Variants in NEFH observed in about 807,000 individuals in gnomAD.
NEFH encodes neurofilament heavy polypeptide.
In NEFH, 58 loss-of-function variants were observed where a neutral mutation model predicts 56.6. That is an observed-to-expected ratio of 1.03 (90% CI 0.83 to 1.28). NEFH has a LOEUF of 1.28. Among genes scored for constraint, NEFH ranks in the 50% most tolerant of loss-of-function variants. The pLI is 0.00. For synonymous variants in NEFH, 542 were observed against 545.8 expected, an observed-to-expected ratio of 0.99 and a Z score of 0.10; for missense variants, 1,221 against 1,307.6, an observed-to-expected ratio of 0.93 and a Z score of 1.02.
At position 29,485,767 on chromosome 22, in the gene NEFH, G is replaced by A; in HGVS notation, c.1128G>A (p.Trp376Ter). Residue 376 changes from tryptophan to a stop codon, truncating the protein, a stop_gained, in exon 3 of 4, where the codon TGG becomes TGA. Transcript: ENST00000310624. LOFTEE classifies it high-confidence loss of function. ...ACGCTGAGCTGAGGAACACCAAGTG[G>A]GAGATGGCCGCCCAGCTGCGAGAAT... ...QLDAELRNTK[W>*]EMAAQLREYQ... is the part of the protein sequence containing the mutation. 6.2e-7 allele frequency: 1 copy of A among 1,614,226 alleles called. No homozygotes were observed. Among genetic ancestry groups the A allele is most frequent in the Non-Finnish European group, 8.5e-7 (1 of 1,180,040 alleles).
At chr22:29,483,896 C>T (rs1004351873) in intron 2 of NEFH, among the ~76,000 whole-genome samples, 8 of 151,266 alleles carry the variant, frequency 5.3e-5, no homozygotes, top group African/African-American at 2.0e-4. Context: ...GTTGCCCAGG[C>T]TGGAGTGCAG....
At chr22:29,486,868 C>T (rs936782201) in intron 3 of NEFH, among the ~76,000 whole-genome samples, 12 of 152,160 alleles carry the variant, frequency 7.9e-5, no homozygotes, top group Admixed American at 3.3e-4. Flanking sequence ...ATGATTTAGA[C>T]GGTGGAAGTT....
In NEFH at chr22:29,480,243, C is replaced by T. The variant is rs904744297; in HGVS notation, c.-20C>T. On this transcript the variant is annotated 5_prime_UTR_variant, in exon 1 of 4. Transcript: ENST00000310624. ...GCAGTGCCTCCCGCCCCGTCCCGGC[C>T]TCGCGCACCTGCTCAGGCCATGATG... 18 of 1,497,016 alleles carry T rather than the reference C, an allele frequency of 1.2e-5. No homozygotes were observed. Among genetic ancestry groups the T allele is most frequent in the Non-Finnish European group, 1.6e-5 (18 of 1,132,712 alleles). 92.7% of individuals were successfully genotyped at this position (1,497,016 alleles called of 1,614,324 possible). A position where few individuals can be genotyped will look rare whatever the true frequency, so the allele number is the denominator to read the frequency against.
intron 1 of NEFH, among the ~76,000 whole-genome samples, chr22:29,481,890 G>T (rs1246220039): frequency 1.3e-5 from 2 of 152,190 alleles, no homozygotes; most frequent in South Asian, 2.1e-4. Flanking sequence ...CCCAGCAGCT[G>T]CAGGGTGACC....
rs760591823 is a variant in NEFH at position 29,480,643 on chromosome 22, C to G, written c.381C>G (p.Gly127=). The change falls in exon 1 of 4, where the codon GGC becomes GGG. Residue 127 remains glycine, a synonymous_variant. Coordinates refer to ENST00000310624, the MANE Select transcript of NEFH (RefSeq NM_021076.4). ...QLEAHNRSLE[G]EAAALRQQQA... is the part of the protein sequence containing the mutation. ...AGGCGCACAACCGCAGCCTGGAGGG[C>G]GAGGCTGCGGCGCTGCGGCAGCAGC... 3.1e-5 allele frequency: 49 copies of G among 1,561,104 alleles called. No homozygotes were observed. The highest frequency in any genetic ancestry group is 3.9e-5 in the Non-Finnish European group (45 of 1,163,010).
In NEFH at chr22:29,480,668, C is replaced by T. The variant is rs1359968264; in HGVS notation, c.406C>T (p.Gln136Ter). ...CGAGGCTGCGGCGCTGCGGCAGCAG[C>T]AGGCGGGCCGCTCCGCTATGGGCGA... is the stretch of plus-strand genomic sequence containing the variant. ...EGEAAALRQQ[Q>*]AGRSAMGELY... The change falls in exon 1 of 4, where the codon CAG becomes TAG. Residue 136 changes from glutamine (Q) to a stop codon, truncating the protein, a stop_gained. Coordinates refer to ENST00000310624, the MANE Select transcript of NEFH (RefSeq NM_021076.4). LOFTEE classifies it high-confidence loss of function. 7 of 1,547,500 alleles carry T rather than the reference C, an allele frequency of 4.5e-6. No individual in the cohort carries two copies. Among genetic ancestry groups the T allele is most frequent in the Non-Finnish European group, 6.1e-6 (7 of 1,155,180 alleles).
intron 3 of NEFH, among the ~76,000 whole-genome samples, chr22:29,488,257 A>G (rs1213250484): frequency 9.9e-5 from 15 of 152,110 alleles, no homozygotes; most frequent in Non-Finnish European, 5.9e-5. Context: ...CCAGCTACTC[A>G]GTAGGCTGAG....
Position 29,489,900 on chromosome 22 carries a change from G to GTGAAGGA in NEFH, c.2260_2261insTGAAGGA (p.Glu754ValfsTer9), listed in dbSNP as rs2063069770. 1 of 1,613,728 alleles carries GTGAAGGA rather than the reference G, an allele frequency of 6.2e-7. No homozygotes were observed. Among genetic ancestry groups the GTGAAGGA allele is most frequent in the Admixed American group, 1.7e-5 (1 of 59,940 alleles). ...GTCCCCAGAGAAGGCCAAGTCCCCA[G>GTGAAGGA]AGAAGGCCAAGACTCTTGATGTGAA... On this transcript the variant is annotated frameshift_variant, in exon 4 of 4. Transcript: ENST00000310624. LOFTEE classifies it high-confidence loss of function.
chr22:29,486,407 A>C (rs1442049064), intron 3 of NEFH, among the ~76,000 whole-genome samples: 1 of 152,128 alleles, frequency 6.6e-6, no homozygotes, highest in Non-Finnish European at 1.5e-5. Context: ...GTCTGTCTCC[A>C]GAACTGTTTT....
rs376751999 is a variant in NEFH at position 29,490,371 on chromosome 22, C to T, written c.2731C>T (p.Pro911Ser). 34 of 1,613,258 alleles carry T rather than the reference C, an allele frequency of 2.1e-5. No individual in the cohort carries two copies. The East Asian group carries it at 4.2e-4, about 20-fold the overall frequency. The change falls in exon 4 of 4, where the codon CCT becomes TCT. Residue 911 changes from proline to serine, a missense_variant. Physicochemically the swap from Pro to Ser is moderately conservative, Grantham distance 74 (BLOSUM62 -1). Coordinates refer to ENST00000310624, the MANE Select transcript of NEFH (RefSeq NM_021076.4). ...AGTCCCCACCCCAGAGAAGGAGGCT[C>T]CTGCCAAGGTGGAGGTGAAGGAAGA... Reference protein sequence around the residue: ...KKVPTPEKEAPAKVEVKEDAK... With the variant: ...KKVPTPEKEASAKVEVKEDAK...
chr22:29,483,299 A>G, intron 1 of NEFH, 76 bp from the exon 2 acceptor site: 1 of 1,364,100 alleles, frequency 7.3e-7, no homozygotes, highest in Non-Finnish European at 1.0e-6. Flanking sequence ...AAAGAAAAAG[A>G]ACAAAGAAAA....
intron 3 of NEFH, among the ~76,000 whole-genome samples, chr22:29,486,648 G>A (rs992657438): frequency 2.7e-5 from 4 of 149,956 alleles, no homozygotes; most frequent in African/African-American, 4.9e-5. Flanking sequence ...TCAGCCTCCC[G>A]AGTAGCTGGG....
intron 1 of NEFH, 86 bp downstream of exon 1, chr22:29,481,231 C>G: frequency 7.5e-7 from 1 of 1,336,456 alleles, no homozygotes; most frequent in South Asian, 1.3e-5. Context: ...GGGGCGCTGC[C>G]GGACTGCGCG....
At chr22:29,484,569 C>T (rs577625245) in intron 2 of NEFH, among the ~76,000 whole-genome samples, 1 of 152,280 alleles carries the variant, frequency 6.6e-6, no homozygotes, top group Non-Finnish European at 1.5e-5. Flanking sequence ...TTCAACTGAA[C>T]CTGGGAGATG....
chr22:29,480,860 C>G lies in NEFH; in HGVS notation c.598C>G (p.Arg200Gly). The G allele has an allele frequency of 2.1e-6, 3 of 1,397,112 alleles. No individual in the cohort carries two copies. Among genetic ancestry groups the G allele is most frequent in the South Asian group, 1.6e-5 (1 of 62,562 alleles). 86.5% of individuals were successfully genotyped at this position (1,397,112 alleles called of 1,614,324 possible). A position where few individuals can be genotyped will look rare whatever the true frequency, so the allele number is the denominator to read the frequency against. The change falls in exon 1 of 4, where the codon CGC (arginine) becomes GGC (glycine). Residue 200 changes from arginine (R) to glycine (G), a missense_variant. Physicochemically the swap from Arg to Gly is moderately radical, Grantham distance 125. Coordinates refer to ENST00000310624, the MANE Select transcript of NEFH (RefSeq NM_021076.4). ...RQREEAEAAA[R>G]ALARFAQEAE... The stretch of plus-strand genomic sequence containing the variant: ...GCGAGAGGAGGCCGAGGCGGCGGCC[C>G]GCGCGCTGGCGCGCTTCGCGCAGGA...
intron 3 of NEFH, 95 bp downstream of exon 3, chr22:29,485,942 C>A: frequency 7.3e-7 from 1 of 1,379,086 alleles, no homozygotes; most frequent in Non-Finnish European, 1.0e-6. Flanking sequence ...GGCAGCCTAC[C>A]TGTCTTAGGG....
At position 29,490,828 on chromosome 22, in the gene NEFH, G is replaced by A. The variant is rs1455406951; in HGVS notation, c.*125G>A. 3.3e-6 allele frequency: 5 copies of A among 1,525,176 alleles called. No homozygotes were observed. The highest frequency in any genetic ancestry group is 4.4e-6 in the Non-Finnish European group (5 of 1,132,686). The allele number at this position is 1,525,176 out of a possible 1,614,324, so 94.5% of individuals were successfully genotyped here. On this transcript the variant is annotated 3_prime_UTR_variant, in exon 4 of 4. Coordinates refer to ENST00000310624, the MANE Select transcript of NEFH (RefSeq NM_021076.4). The stretch of plus-strand genomic sequence containing the variant: ...GTAAGAAGAAACTGCTTAGATGACG[G>A]GGCCTCCTTCTTCAAACAGGAATTT...
intron 1 of NEFH, among the ~76,000 whole-genome samples, chr22:29,481,442 C>A (rs959014533): frequency 6.6e-6 from 1 of 152,078 alleles, no homozygotes; most frequent in African/African-American, 2.4e-5. Context: ...CTCTGAGATC[C>A]CTCCCCCGTC....
intron 3 of NEFH, among the ~76,000 whole-genome samples, chr22:29,487,360 G>A (rs1468525222): frequency 2.0e-5 from 3 of 152,014 alleles, no homozygotes; most frequent in Non-Finnish European, 4.4e-5. Flanking sequence ...GTTGGGTGTA[G>A]TGACTCATGC....
Sources: allele counts gnomAD v4.1 joint callset (sites outside exome capture counted in the v4.1 genomes callset), GRCh38; gene constraint gnomAD v4.1.1; transcripts MANE v1.5; gene names NCBI Gene and HGNC (gene_info 2026-07-23, HGNC 2026-07-21).